The following C2orf80 variants were observed in gnomAD, a reference collection of about 807,000 sequenced individuals.
C2orf80 encodes the protein chromosome 2 open reading frame 80.
Under a neutral mutation model 30.2 loss-of-function variants are expected in C2orf80, and 28 were observed. The ratio of observed to expected loss-of-function variants is 0.93; its 90% CI spans 0.69 to 1.27. The LOEUF (loss-of-function observed/expected upper bound fraction) is 1.27. Among genes scored for constraint, C2orf80 ranks in the 50% most tolerant of loss-of-function variants. The probability of loss-of-function intolerance (pLI) is 0.00; values close to 1 mark genes in which losing one functional copy is unlikely to be tolerated. For missense variants in C2orf80, 220 were observed against 231.0 expected (o/e 0.95, Z 0.31); for synonymous variants, 80 against 76.4 (o/e 1.05, Z -0.24).
chr2:208,178,416 A>G (rs553389465), intron 6 of C2orf80, among the ~76,000 whole-genome samples: 4 of 152,206 alleles, frequency 2.6e-5, no homozygotes, highest in Non-Finnish European at 5.9e-5. Flanking sequence ...GGGGAAAAGG[A>G]GAAAGGGCAG....
At chr2:208,187,110 A>G in intron 1 of C2orf80, 49 bp from the exon 2 acceptor site, 1 of 850,618 alleles carries the variant, frequency 1.2e-6, no homozygotes, top group Non-Finnish European at 1.9e-6. Context: ...CTATCACTCC[A>G]AATACCAGTC....
intron 3 of C2orf80, among the ~76,000 whole-genome samples, chr2:208,184,592 T>C (rs1696660413): frequency 6.6e-6 from 1 of 152,346 alleles, no homozygotes; most frequent in South Asian, 2.1e-4. Context: ...TTTATTTGGT[T>C]TTCTCTCACT....
At chr2:208,178,225 A>G (rs1318696603) in intron 6 of C2orf80, among the ~76,000 whole-genome samples, 1 of 152,170 alleles carries the variant, frequency 6.6e-6, no homozygotes, top group Non-Finnish European at 1.5e-5. Flanking sequence ...CCACAGTGCC[A>G]TCCTCTCTAG....
At chr2:208,170,105 T>C (rs1486813428) in intron 8 of C2orf80, among the ~76,000 whole-genome samples, 2 of 152,218 alleles carry the variant, frequency 1.3e-5, no homozygotes, top group African/African-American at 4.8e-5. Context: ...AACCCAATCA[T>C]AAGTCAGTAT....
intron 4 of C2orf80, among the ~76,000 whole-genome samples, chr2:208,181,535 A>T (rs944724790): frequency 3.9e-5 from 6 of 152,176 alleles, no homozygotes; most frequent in Non-Finnish European, 7.4e-5. Flanking sequence ...TTTTCACAGC[A>T]ATCAAAGATT....
intron 6 of C2orf80, among the ~76,000 whole-genome samples, chr2:208,180,026 G>C (rs915773279): frequency 5.3e-5 from 8 of 152,080 alleles, no homozygotes; most frequent in African/African-American, 1.9e-4. Context: ...GTAAACTAGG[G>C]AATTTGTCAT....
Position 208,170,973 on chromosome 2 carries a change from C to T in C2orf80, c.545G>A (p.Arg182Lys). ...GTGCTTTGGCTGTGTGTCTGAAAACCTTTGTGATGATTTCCATTCTGTGGC... is the reference window on the plus strand; with the variant it reads ...GTGCTTTGGCTGTGTGTCTGAAAACTTTTGTGATGATTTCCATTCTGTGGC... ...ANATEWKSSQ[R>K]FSDTQPKHKV... The change falls in exon 8 of 9, where the codon AGG becomes AAG. Residue 182 changes from arginine to lysine, a missense_variant. Arg to Lys is a conservative substitution (Grantham distance 26). Transcript: ENST00000341287. 1 of 1,614,018 alleles carries T rather than the reference C, an allele frequency of 6.2e-7. No individual in the cohort carries two copies. The highest frequency in any genetic ancestry group is 8.5e-7 in the Non-Finnish European group (1 of 1,179,920).
At chr2:208,181,175 G>T in intron 5 of C2orf80, 43 bp downstream of exon 5, 2 of 1,233,928 alleles carry the variant, frequency 1.6e-6, no homozygotes, top group South Asian at 2.4e-5. Flanking sequence ...GCTCAGAGTA[G>T]ATATGAAATA....
chr2:208,179,048 T>C (rs1292990348), intron 6 of C2orf80, among the ~76,000 whole-genome samples: 1 of 152,176 alleles, frequency 6.6e-6, no homozygotes, highest in Non-Finnish European at 1.5e-5. Context: ...CATGAACCAC[T>C]GCAAACGGCC....
At chr2:208,167,367 C>CA (rs1695929154) in intron 8 of C2orf80, among the ~76,000 whole-genome samples, 1 of 151,568 alleles carries the variant, frequency 6.6e-6, no homozygotes, top group Admixed American at 6.6e-5. Context: ...ACTAAAAATA[C>CA]AAAAATTAGC....
intron 6 of C2orf80, among the ~76,000 whole-genome samples, chr2:208,176,895 ATATACATATCTGTG>A (rs1696323019): frequency 1.2e-5 from 1 of 81,024 alleles, no homozygotes; most frequent in South Asian, 3.8e-4. Context: ...AGGTGTATAT[ATATACATATCTGTG>A]TATACATATC....
chr2:208,173,433 G>A (rs571002697), intron 6 of C2orf80, among the ~76,000 whole-genome samples: 17 of 152,156 alleles, frequency 1.1e-4, no homozygotes, highest in African/African-American at 4.1e-4. Flanking sequence ...AACTATCCTG[G>A]ATAACACTGT....
At chr2:208,178,840 G>A (rs550372705) in intron 6 of C2orf80, among the ~76,000 whole-genome samples, 27 of 152,060 alleles carry the variant, frequency 1.8e-4, no homozygotes, top group African/African-American at 5.3e-4. Context: ...TCACTGCAAC[G>A]TCCGTCTTCC....
At chr2:208,176,611 T>C (rs533129078) in intron 6 of C2orf80, among the ~76,000 whole-genome samples, 3 of 152,280 alleles carry the variant, frequency 2.0e-5, no homozygotes, top group Non-Finnish European at 4.4e-5. Context: ...ATTAAAGCTA[T>C]TATTTGGAGG....
intron 4 of C2orf80, 111 bp downstream of exon 4, chr2:208,182,854 T>G: frequency 1.2e-6 from 1 of 856,744 alleles, no homozygotes; most frequent in Non-Finnish European, 2.0e-6. Context: ...CACCCAGTAG[T>G]GTTTTCAAAT....
intron 6 of C2orf80, among the ~76,000 whole-genome samples, chr2:208,176,526 G>A (rs73065235): frequency 0.012 from 1,873 of 152,280 alleles, 42 homozygotes; most frequent in African/African-American, 0.042. Flanking sequence ...ATGGGCAGAG[G>A]CCAAGGATGC....
In C2orf80 at chr2:208,186,951, C is replaced by T. The variant is rs535716773; in HGVS notation, c.36G>A (p.Lys12=). 125 of 1,613,788 alleles carry T rather than the reference C, an allele frequency of 7.7e-5. 1 individual carries two copies. The South Asian group carries it at 1.3e-3, about 17-fold the overall frequency. Reference sequence around the variant, plus strand: ...TTATTCTCAGTCATACTTACAAGAGCTTTTTCATTTCCTTCTTTATGAGCC... The same window carrying T: ...TTATTCTCAGTCATACTTACAAGAGTTTTTTCATTTCCTTCTTTATGAGCC... The part of the protein sequence containing the change: ...ERRLIKKEMK[K]LLGDYIGIRL... Residue 12 remains lysine (K), a synonymous_variant, in exon 2 of 9, where the codon AAG becomes AAA. Transcript: ENST00000341287.
intron 2 of C2orf80, 87 bp from the exon 3 acceptor site, chr2:208,185,119 TC>T: frequency 1.3e-6 from 1 of 791,130 alleles, no homozygotes; most frequent in South Asian, 1.7e-5. Flanking sequence ...CATCCCTCCC[TC>T]CCCCACCAAA....
In C2orf80 at chr2:208,170,979, G is replaced by C; in HGVS notation, c.539C>G (p.Ser180Ter). The C allele has an allele frequency of 6.2e-7, 1 of 1,614,070 alleles. No individual in the cohort carries two copies. Among genetic ancestry groups the C allele is most frequent in the East Asian group, 2.2e-5 (1 of 44,874 alleles). The change falls in exon 8 of 9, where the codon TCA becomes TGA. Residue 180 changes from serine (S) to a stop codon, truncating the protein, a stop_gained. Transcript: ENST00000341287. LOFTEE classifies it high-confidence loss of function. ...TGGCTGTGTGTCTGAAAACCTTTGT[G>C]ATGATTTCCATTCTGTGGCATTTGC... ...KEANATEWKS[S>*]QRFSDTQPKH... is the part of the protein sequence containing the mutation.
Sources: allele counts gnomAD v4.1 joint callset (sites outside exome capture counted in the v4.1 genomes callset), GRCh38; gene constraint gnomAD v4.1.1; transcripts MANE v1.5; gene names NCBI Gene and HGNC (gene_info 2026-07-23, HGNC 2026-07-21).